The following CCSER2 variants were observed in gnomAD, a reference collection of about 807,000 sequenced individuals.
The protein encoded by CCSER2 is coiled-coil serine rich protein 2.
In CCSER2, 46 loss-of-function variants were observed where a neutral mutation model predicts 92.3. The observed-to-expected ratio is 0.50, with a 90% confidence interval of 0.39 to 0.64. CCSER2 has a LOEUF of 0.64. CCSER2 is among the 30% of genes least tolerant of loss of function. The pLI, the probability that CCSER2 is intolerant of heterozygous loss-of-function variation, is 0.00. For synonymous variants in CCSER2, 433 were observed against 431.4 expected (o/e 1.00, Z -0.04); for missense variants, 1,244 against 1,238.9 (o/e 1.00, Z -0.06).
intron 3 of CCSER2, among the ~76,000 whole-genome samples, chr10:84,389,881 A>G (rs1841428624): frequency 6.6e-6 from 1 of 152,120 alleles, no homozygotes; most frequent in Non-Finnish European, 1.5e-5. Flanking sequence ...GCTCTTTTGT[A>G]CAAGATGTTT....
intron 3 of CCSER2, among the ~76,000 whole-genome samples, chr10:84,401,276 T>C (rs1017698938): frequency 6.6e-6 from 1 of 152,144 alleles, no homozygotes; most frequent in African/African-American, 2.4e-5. Context: ...AAAGGTGGTC[T>C]TTGAAAAGAT....
chr10:84,392,316 CAAAAAA>C (rs71473611), intron 3 of CCSER2, among the ~76,000 whole-genome samples: 2 of 53,858 alleles, frequency 3.7e-5, no homozygotes, highest in African/African-American at 9.6e-5. Context: ...TCTGAAGAAG[CAAAAAA>C]AAAAAAAAAA....
intron 6 of CCSER2, among the ~76,000 whole-genome samples, chr10:84,447,448 T>C (rs1844994546): frequency 6.6e-6 from 1 of 152,240 alleles, no homozygotes; most frequent in Non-Finnish European, 1.5e-5. Flanking sequence ...GCAAGTACTT[T>C]GTTAGTTATA....
Position 84,425,910 on chromosome 10 carries a change from CT to C in CCSER2, c.1868+19del. The C allele has an allele frequency of 6.9e-7, 1 of 1,457,916 alleles. No homozygotes were observed. The highest frequency in any genetic ancestry group is 9.2e-7 in the Non-Finnish European group (1 of 1,086,370). 90.3% of individuals were successfully genotyped at this position (1,457,916 alleles called of 1,614,324 possible). ...CTTGAGCAGGTAAGTACTGTTCTGA[CT>C]TAGATTTCATTTGCTGTCCTCTGAT... On this transcript the variant is annotated intron_variant, in intron 5 of 9. Coordinates refer to ENST00000372088, the MANE Select transcript of CCSER2 (RefSeq NM_001284240.2).
intron 5 of CCSER2, among the ~76,000 whole-genome samples, chr10:84,434,439 A>T (rs1843982749): frequency 2.6e-5 from 4 of 151,514 alleles, no homozygotes; most frequent in Admixed American, 2.6e-4. Context: ...TGTTATATTG[A>T]TTTTTTTCCC....
chr10:84,499,766 A>G (rs1848625608), intron 9 of CCSER2: 1 of 980,236 alleles, frequency 1.0e-6, no homozygotes, highest in Admixed American at 2.5e-5. Flanking sequence ...TCTTCTCGTT[A>G]ACACTATTGC....
intron 5 of CCSER2, among the ~76,000 whole-genome samples, chr10:84,437,628 A>G (rs1844254094): frequency 6.6e-6 from 1 of 152,142 alleles, no homozygotes; most frequent in Non-Finnish European, 1.5e-5. Context: ...CTCCCATGAA[A>G]CACATTACTT....
chr10:84,368,441 A>G (rs981099437), intron 1 of CCSER2, among the ~76,000 whole-genome samples: 6 of 151,972 alleles, frequency 3.9e-5, no homozygotes, highest in African/African-American at 9.7e-5. Flanking sequence ...TGGTAACAGG[A>G]CGTTCTTTAG....
At chr10:84,448,646 A>G (rs1290937645) in intron 6 of CCSER2, among the ~76,000 whole-genome samples, 1 of 152,218 alleles carries the variant, frequency 6.6e-6, no homozygotes, top group Non-Finnish European at 1.5e-5. Flanking sequence ...GTTTGTTTTG[A>G]TGAATATATG....
intron 3 of CCSER2, among the ~76,000 whole-genome samples, chr10:84,415,881 A>G (rs1842864879): frequency 1.3e-5 from 2 of 152,224 alleles, no homozygotes; most frequent in African/African-American, 4.8e-5. Context: ...CTTAACGTGT[A>G]AGGTGCCGTG....
At chr10:84,445,223 G>A (rs879321108) in intron 6 of CCSER2, among the ~76,000 whole-genome samples, 20 of 151,952 alleles carry the variant, frequency 1.3e-4, no homozygotes, top group Admixed American at 2.6e-4. Context: ...GTGCAGTCTC[G>A]GCTCACTGCA....
intron 3 of CCSER2, among the ~76,000 whole-genome samples, chr10:84,376,598 A>G (rs976616492): frequency 2.6e-5 from 4 of 152,072 alleles, no homozygotes; most frequent in Non-Finnish European, 4.4e-5. Flanking sequence ...CTTATTGTTC[A>G]TGGGCATTTA....
At chr10:84,446,177 A>G (rs1183191782) in intron 6 of CCSER2, among the ~76,000 whole-genome samples, 1 of 152,200 alleles carries the variant, frequency 6.6e-6, no homozygotes, top group Non-Finnish European at 1.5e-5. Flanking sequence ...ATGGAAAGGC[A>G]TGATGATACC....
chr10:84,513,490 A>G lies in CCSER2; in HGVS notation c.2367A>G (p.Thr789=), dbSNP rs754561922. The change falls in exon 10 of 10, where the codon ACA becomes ACG. Residue 789 remains threonine, a synonymous_variant. Coordinates refer to ENST00000372088, the MANE Select transcript of CCSER2 (RefSeq NM_001284240.2). ...CTTCCAGCAGCCTTCCCAGACCCAC[A>G]GATCACACCCAGGGAAAACTAATAA... The part of the protein sequence containing the change: ...LQPSSSLPRP[T]DHTQGKLIKP... 6 of 1,613,804 alleles carry G rather than the reference A, an allele frequency of 3.7e-6. No individual in the cohort carries two copies. Among genetic ancestry groups the G allele is most frequent in the East Asian group, 2.2e-5 (1 of 44,880 alleles).
intron 5 of CCSER2, among the ~76,000 whole-genome samples, chr10:84,437,532 TCA>T (rs1844249145): frequency 6.6e-6 from 1 of 151,744 alleles, no homozygotes; most frequent in Non-Finnish European, 1.5e-5. Flanking sequence ...AAAGTTCTCC[TCA>T]CAGTTTAAGA....
chr10:84,377,005 G>T (rs1345175896), intron 3 of CCSER2, among the ~76,000 whole-genome samples: 1 of 151,504 alleles, frequency 6.6e-6, no homozygotes, highest in African/African-American at 2.4e-5. Flanking sequence ...TCTTGTGTTG[G>T]GTTTGTTTTC....
chr10:84,457,593 A>T (rs865941205), intron 6 of CCSER2, among the ~76,000 whole-genome samples: 231 of 5,278 alleles, frequency 0.044, 1 homozygote, highest in Middle Eastern at 0.1. Context: ...ATATATAATT[A>T]TATATTTATA....
At chr10:84,438,848 GTAGAAAGT>G in intron 6 of CCSER2, 141 bp downstream of exon 6, 1 of 548,156 alleles carries the variant, frequency 1.8e-6, no homozygotes, top group South Asian at 3.3e-5. Flanking sequence ...ATAGTATATA[GTAGAAAGT>G]TTTGTGGAAA....
At chr10:84,461,547 T>A (rs561385315) in intron 6 of CCSER2, among the ~76,000 whole-genome samples, 10 of 152,294 alleles carry the variant, frequency 6.6e-5, no homozygotes, top group African/African-American at 2.4e-4. Flanking sequence ...CTCTTTAAGT[T>A]TATTGTATAA....
Sources: allele counts gnomAD v4.1 joint callset (sites outside exome capture counted in the v4.1 genomes callset), GRCh38; gene constraint gnomAD v4.1.1; transcripts MANE v1.5; gene names NCBI Gene and HGNC (gene_info 2026-07-23, HGNC 2026-07-21).